Variants in GPBP1L1 observed in about 807,000 individuals in gnomAD.
The protein encoded by GPBP1L1 is vasculin-like protein 1.
Under a neutral mutation model 52.5 loss-of-function variants are expected in GPBP1L1, and 23 were observed. That is an observed-to-expected ratio of 0.44 (90% confidence interval 0.32 to 0.62). The LOEUF is 0.62. Ranked by LOEUF, GPBP1L1 falls within the 20% of genes least tolerant of loss-of-function variation. GPBP1L1 has a pLI of 0.06. For missense variants in GPBP1L1, 596 were observed against 579.3 expected, an observed-to-expected ratio of 1.03 and a Z score of -0.30; for synonymous variants, 243 against 203.1, an observed-to-expected ratio of 1.20 and a Z score of -1.67.
chr1:45,645,892 G>A (rs1458165480), intron 6 of GPBP1L1: 2 of 504,250 alleles, frequency 4.0e-6, no homozygotes, highest in Non-Finnish European at 7.7e-6. Context: ...ACCAGCTAAG[G>A]CTGTCAATAT....
At chr1:45,654,497 C>T (rs376771651) in intron 6 of GPBP1L1, 46 bp downstream of exon 6, 71 of 1,504,496 alleles carry the variant, frequency 4.7e-5, no homozygotes, top group Non-Finnish European at 6.1e-5. Flanking sequence ...ATATTTCAGA[C>T]ATTATTTGTT....
intron 2 of GPBP1L1, among the ~76,000 whole-genome samples, chr1:45,671,420 A>G (rs1251910344): frequency 1.3e-5 from 2 of 151,708 alleles, no homozygotes; most frequent in African/African-American, 4.8e-5. Context: ...ATGTTGGCCA[A>G]GCTGGTCTTG....
chr1:45,661,262 G>A (rs548587236), intron 2 of GPBP1L1, 37 bp from the exon 3 acceptor site: 1 of 152,182 alleles, frequency 6.6e-6, no homozygotes, highest in Non-Finnish European at 1.5e-5. Context: ...ATCACAGAAG[G>A]CAAAATCACT....
chr1:45,651,687 T>A, intron 6 of GPBP1L1: 1 of 605,830 alleles, frequency 1.7e-6, no homozygotes, highest in Non-Finnish European at 3.0e-6. Flanking sequence ...AGGTCTCTTT[T>A]GGGCTGGGTG....
At chr1:45,634,877 A>C (rs1452244391) in intron 8 of GPBP1L1, 1 of 152,246 alleles carries the variant, frequency 6.6e-6, no homozygotes, top group African/African-American at 2.4e-5. Context: ...CTGAGTTACC[A>C]CACTGTCCAA....
intron 4 of GPBP1L1, among the ~76,000 whole-genome samples, chr1:45,657,759 G>A (rs775899058): frequency 1.3e-5 from 2 of 152,082 alleles, no homozygotes; most frequent in Non-Finnish European, 2.9e-5. Context: ...AGACTAGGGC[G>A]AGAGGATTGC....
chr1:45,649,221 T>C (rs1171117896), intron 6 of GPBP1L1, among the ~76,000 whole-genome samples: 1 of 152,212 alleles, frequency 6.6e-6, no homozygotes, highest in Non-Finnish European at 1.5e-5. Flanking sequence ...CAGGACTTGA[T>C]GCCACTTACC....
At chr1:45,677,510 A>G (rs1297362838) in intron 2 of GPBP1L1, among the ~76,000 whole-genome samples, 3 of 152,172 alleles carry the variant, frequency 2.0e-5, no homozygotes, top group Non-Finnish European at 4.4e-5. Context: ...TCACAACAGC[A>G]AAAACAAAGA....
intron 2 of GPBP1L1, among the ~76,000 whole-genome samples, chr1:45,679,162 A>G (rs1281011626): frequency 6.6e-6 from 1 of 150,980 alleles, no homozygotes; most frequent in African/African-American, 2.4e-5. Context: ...ACTTTTGAGA[A>G]TTGGGGCAGA....
intron 12 of GPBP1L1, 152 bp from the exon 13 acceptor site, chr1:45,628,560 C>CCTTTGAAA (rs1644487664): frequency 1.8e-6 from 1 of 570,132 alleles, no homozygotes; most frequent in African/African-American, 1.9e-5. Context: ...TCTCTTATAC[C>CCTTTGAAA]AGTACTTTTC....
At chr1:45,643,088 T>C (rs766892872) in intron 6 of GPBP1L1, among the ~76,000 whole-genome samples, 1 of 152,202 alleles carries the variant, frequency 6.6e-6, no homozygotes, top group African/African-American at 2.4e-5. Context: ...GAGTACTCAG[T>C]AAGAAACATC....
chr1:45,669,461 A>C (rs1233538639), intron 2 of GPBP1L1, among the ~76,000 whole-genome samples: 3 of 152,186 alleles, frequency 2.0e-5, no homozygotes, highest in African/African-American at 4.8e-5. Flanking sequence ...CAGGGATTTA[A>C]TAGCTCTATG....
intron 11 of GPBP1L1, 102 bp downstream of exon 11, chr1:45,630,380 C>G: frequency 7.3e-7 from 1 of 1,364,962 alleles, no homozygotes; most frequent in Non-Finnish European, 1.0e-6. Context: ...TGGGCCACTT[C>G]TCTCTGCATG....
intron 2 of GPBP1L1, among the ~76,000 whole-genome samples, chr1:45,684,600 C>T (rs558093491): frequency 8.6e-4 from 130 of 151,926 alleles, no homozygotes; most frequent in African/African-American, 2.9e-3. Flanking sequence ...CCCCCCACAC[C>T]ACAAATCAAG....
chr1:45,635,503 G>C (rs1311277846), intron 8 of GPBP1L1: 1 of 152,114 alleles, frequency 6.6e-6, no homozygotes, highest in African/African-American at 2.4e-5. Context: ...TAGTACAAAA[G>C]ATTTACTCTG....
chr1:45,660,380 G>C lies in GPBP1L1; in HGVS notation c.-252C>G. On this transcript the variant is annotated 5_prime_UTR_variant, in exon 3 of 13. The change creates a premature stop within an existing upstream ORF in the 5' untranslated region. Coordinates refer to ENST00000355105, the MANE Select transcript of GPBP1L1 (RefSeq NM_021639.5). ...GCTCATCTTAAACTATTTGGTTCCT[G>C]ACACGTTTCCAAAAGGGGAAAGGGG... 1 of 983,834 alleles carries C rather than the reference G, an allele frequency of 1.0e-6. No homozygotes were observed. The highest frequency in any genetic ancestry group is 1.2e-6 in the Non-Finnish European group (1 of 829,370). 60.9% of individuals were successfully genotyped at this position (983,834 alleles called of 1,614,324 possible).
rs371799120 is a variant in GPBP1L1 at position 45,665,175 on chromosome 1, A to G, written c.-1097-3950T>C. On this transcript the variant is annotated intron_variant, in intron 2 of 12. Transcript: ENST00000355105. The stretch of plus-strand genomic sequence containing the variant: ...TGTCGTGGCTGGCACCTGTAATACC[A>G]GCTACTTGGGAGGCTGAGGCAGGAG... 2.5e-3 allele frequency among the ~76,000 whole-genome samples: 373 copies of G among 152,068 alleles called. 13 individuals carry two copies. The South Asian group carries it at 0.072, about 29-fold the overall frequency.
intron 6 of GPBP1L1, among the ~76,000 whole-genome samples, chr1:45,646,963 T>A (rs1031687251): frequency 6.6e-6 from 1 of 152,112 alleles, no homozygotes; most frequent in African/African-American, 2.4e-5. Context: ...AAACTTTTTT[T>A]TCCCAGTTTT....
intron 2 of GPBP1L1, among the ~76,000 whole-genome samples, chr1:45,678,872 A>T (rs1014293571): frequency 6.6e-6 from 1 of 152,228 alleles, no homozygotes; most frequent in Non-Finnish European, 1.5e-5. Flanking sequence ...ACCAACTAAA[A>T]AAAGCAAGTT....
Sources: gnomAD v4.1 joint callset for allele counts (sites outside exome capture counted in the v4.1 genomes callset) on GRCh38, gnomAD v4.1.1 for gene constraint, MANE v1.5 for transcripts, NCBI Gene and HGNC (gene_info 2026-07-23, HGNC 2026-07-21) for gene names.